CA8: variants seen among roughly 807,000 people sequenced by gnomAD.
The protein encoded by CA8 is carbonic anhydrase-related protein.
Under a neutral mutation model 41.4 loss-of-function variants are expected in CA8, and 22 were observed. The ratio of observed to expected loss-of-function variants is 0.53; its 90% confidence interval spans 0.38 to 0.76. The LOEUF (loss-of-function observed/expected upper bound fraction) is 0.76, where lower values mean the gene tolerates loss of function less well. Ranked by LOEUF, CA8 falls within the 30% of genes least tolerant of loss-of-function variation. The pLI is 0.00. For missense variants in CA8, 270 were observed against 352.8 expected, an observed-to-expected ratio of 0.77 and a Z score of 1.88; for synonymous variants, 121 against 130.6, an observed-to-expected ratio of 0.93 and a Z score of 0.50.
At chr8:60,196,835 G>A (rs1806295252) in intron 8 of CA8, among the ~76,000 whole-genome samples, 1 of 152,010 alleles carries the variant, frequency 6.6e-6, no homozygotes, top group Non-Finnish European at 1.5e-5. Flanking sequence ...TAGTAAAGAG[G>A]GTCTTGTCTG....
At chr8:60,212,657 A>G (rs1265120638) in intron 7 of CA8, among the ~76,000 whole-genome samples, 1 of 152,212 alleles carries the variant, frequency 6.6e-6, no homozygotes, top group Admixed American at 6.5e-5. Context: ...AGAAATGGGG[A>G]TGTAATGGTT....
In CA8 at chr8:60,244,835, T is replaced by C. The variant is rs575409753; in HGVS notation, c.418-12456A>G. 7.2e-5 allele frequency among the ~76,000 whole-genome samples: 11 copies of C among 152,298 alleles called. 2 individuals are homozygous for C. The South Asian group carries it at 2.3e-3, about 32-fold the overall frequency. ...CACTGCTTACTCAGGGTCTTTCACT[T>C]TTTGAATTGCAATTATCTAAAGCAA... On this transcript the variant is annotated intron_variant, in intron 3 of 8. Coordinates refer to ENST00000317995, the MANE Select transcript of CA8 (RefSeq NM_004056.6).
intron 2 of CA8, among the ~76,000 whole-genome samples, chr8:60,267,904 T>A (rs1396895122): frequency 6.6e-6 from 1 of 152,198 alleles, no homozygotes; most frequent in Non-Finnish European, 1.5e-5. Flanking sequence ...TCCTCTTCAA[T>A]AAACATCCAT....
At chr8:60,248,388 T>C (rs1269870377) in intron 3 of CA8, among the ~76,000 whole-genome samples, 4 of 152,232 alleles carry the variant, frequency 2.6e-5, no homozygotes, top group African/African-American at 9.6e-5. Flanking sequence ...GCTTTCAGTT[T>C]TACATTTAAG....
intron 3 of CA8, among the ~76,000 whole-genome samples, chr8:60,233,716 G>A (rs937965993): frequency 3.3e-5 from 5 of 152,152 alleles, no homozygotes; most frequent in Admixed American, 3.3e-4. Context: ...TAGGCCCAAG[G>A]TTAAAATAAA....
intron 3 of CA8, among the ~76,000 whole-genome samples, chr8:60,245,228 C>T (rs1808186530): frequency 6.6e-6 from 1 of 151,450 alleles, no homozygotes; most frequent in South Asian, 2.1e-4. Flanking sequence ...TTTTGATGGG[C>T]TAAAAAAACA....
At chr8:60,217,269 G>A (rs989584166) in intron 7 of CA8, among the ~76,000 whole-genome samples, 4 of 152,204 alleles carry the variant, frequency 2.6e-5, no homozygotes, top group African/African-American at 9.7e-5. Context: ...TGTGACCATA[G>A]ACACCCAGCT....
chr8:60,227,230 T>C (rs1012093374), intron 4 of CA8, among the ~76,000 whole-genome samples: 1 of 151,850 alleles, frequency 6.6e-6, no homozygotes, highest in Admixed American at 6.6e-5. Flanking sequence ...GGCGGAGAGG[T>C]TGCAGTGAGC....
At chr8:60,256,125 G>C (rs1808627637) in intron 3 of CA8, among the ~76,000 whole-genome samples, 1 of 152,026 alleles carries the variant, frequency 6.6e-6, no homozygotes, top group South Asian at 2.1e-4. Flanking sequence ...GGTCAGGCTG[G>C]TTTTGAACTC....
intron 3 of CA8, among the ~76,000 whole-genome samples, chr8:60,261,978 G>A (rs1033067692): frequency 1.3e-5 from 2 of 152,194 alleles, no homozygotes; most frequent in African/African-American, 4.8e-5. Flanking sequence ...CCAAAGTGCT[G>A]GGATTACAGG....
At chr8:60,204,220 G>A (rs1414772295) in intron 8 of CA8, among the ~76,000 whole-genome samples, 1 of 152,120 alleles carries the variant, frequency 6.6e-6, no homozygotes, top group Non-Finnish European at 1.5e-5. Flanking sequence ...GAGGTAAAAG[G>A]CATGAAAGAA....
intron 8 of CA8, among the ~76,000 whole-genome samples, chr8:60,203,632 G>A (rs1311863337): frequency 2.0e-5 from 3 of 151,932 alleles, no homozygotes; most frequent in Non-Finnish European, 4.4e-5. Flanking sequence ...TCTTTTAAGA[G>A]GTACAGAAAA....
At chr8:60,209,919 G>C (rs952990170) in intron 7 of CA8, among the ~76,000 whole-genome samples, 1 of 152,208 alleles carries the variant, frequency 6.6e-6, no homozygotes, top group Non-Finnish European at 1.5e-5. Flanking sequence ...CCTGCCAGAC[G>C]TGACTCTCTG....
intron 6 of CA8, 108 bp downstream of exon 6, chr8:60,224,429 C>A (rs1278953094): frequency 1.2e-5 from 9 of 732,476 alleles, no homozygotes; most frequent in Non-Finnish European, 2.2e-5. Flanking sequence ...ATACAAATTG[C>A]AAATAAGTTT....
At chr8:60,215,255 T>G (rs188715067) in intron 7 of CA8, among the ~76,000 whole-genome samples, 11 of 152,266 alleles carry the variant, frequency 7.2e-5, no homozygotes, top group East Asian at 5.8e-4. Context: ...TCCAGCTGAT[T>G]GGCTTCCGAA....
intron 3 of CA8, chr8:60,264,761 T>A (rs1372789146): frequency 6.6e-6 from 1 of 152,268 alleles, no homozygotes. Flanking sequence ...ATTTCACTTC[T>A]AAGGTTCACG....
chr8:60,241,952 C>T (rs2130523840), intron 3 of CA8, among the ~76,000 whole-genome samples: 1 of 152,260 alleles, frequency 6.6e-6, no homozygotes, highest in South Asian at 2.1e-4. Flanking sequence ...CCTGCTCATC[C>T]CTGAATGAGA....
At chr8:60,270,343 G>A (rs945446094) in intron 2 of CA8, among the ~76,000 whole-genome samples, 1 of 152,142 alleles carries the variant, frequency 6.6e-6, no homozygotes, top group East Asian at 1.9e-4. Context: ...CCACACCAGT[G>A]GGTCCCTGGT....
chr8:60,205,843 C>A (rs749050418), intron 8 of CA8, among the ~76,000 whole-genome samples: 2 of 152,100 alleles, frequency 1.3e-5, no homozygotes, highest in Non-Finnish European at 2.9e-5. Flanking sequence ...TTATTTTAAA[C>A]ATTTTTTAGA....
Sources: gnomAD v4.1 joint callset for allele counts (sites outside exome capture counted in the v4.1 genomes callset) on GRCh38, gnomAD v4.1.1 for gene constraint, MANE v1.5 for transcripts, NCBI Gene and HGNC (gene_info 2026-07-23, HGNC 2026-07-21) for gene names.